SLC35D4: variants seen among roughly 807,000 people sequenced by gnomAD.
SLC35D4 encodes solute carrier family 35 member D4.
chr18:23,272,361 C>T, the SLC35D4 span, among the ~76,000 whole-genome samples: 1 of 152,134 alleles, frequency 6.6e-6, no homozygotes. Flanking sequence ...AGGAGGATCA[C>T]TTGAGCTCAG....
chr18:23,370,225 C>T, the SLC35D4 span: 1 of 1,607,820 alleles, frequency 6.2e-7, no homozygotes, highest in South Asian at 1.1e-5. Context: ...CCTTAATGCA[C>T]TGGGTTTCTG....
chr18:23,432,692 A>AG, the SLC35D4 span, among the ~76,000 whole-genome samples: 1 of 151,418 alleles, frequency 6.6e-6, no homozygotes, highest in African/African-American at 2.4e-5. Context: ...AAAAAAAAAA[A>AG]AAAAAGAAAG....
At chr18:23,304,002 G>A in the SLC35D4 span, among the ~76,000 whole-genome samples, 2 of 151,430 alleles carry the variant, frequency 1.3e-5, no homozygotes, top group African/African-American at 2.4e-5. Context: ...GACTGCTTGA[G>A]GCCAGGAGTT....
chr18:23,282,431 C>T, the SLC35D4 span, among the ~76,000 whole-genome samples: 8 of 152,194 alleles, frequency 5.3e-5, no homozygotes, highest in East Asian at 1.9e-4. Flanking sequence ...AGCAAAGATT[C>T]GCTCGGCTCA....
At chr18:23,339,359 A>G in the SLC35D4 span, among the ~76,000 whole-genome samples, 42 of 152,260 alleles carry the variant, frequency 2.8e-4, 1 homozygote, top group Non-Finnish European at 2.2e-4. Context: ...GTCTTATTAC[A>G]TAATTTTAAA....
the SLC35D4 span, among the ~76,000 whole-genome samples, chr18:23,239,411 G>A: frequency 5.3e-5 from 8 of 152,232 alleles, no homozygotes; most frequent in Non-Finnish European, 1.2e-4. Context: ...TTGATAAAAT[G>A]TGGGAAATCC....
At chr18:23,264,329 G>A in the SLC35D4 span, among the ~76,000 whole-genome samples, 1 of 151,682 alleles carries the variant, frequency 6.6e-6, no homozygotes, top group East Asian at 1.9e-4. Context: ...AGCAAGAGGG[G>A]TGGGAAGGTG....
the SLC35D4 span, among the ~76,000 whole-genome samples, chr18:23,248,538 T>TTTTTTTTTTTA: frequency 4.5e-3 from 418 of 93,556 alleles, 8 homozygotes; most frequent in Middle Eastern, 9.4e-3. Flanking sequence ...TTTTTTTTTT[T>TTTTTTTTTTTA]AAAAAAAGGC....
the SLC35D4 span, among the ~76,000 whole-genome samples, chr18:23,404,783 C>A: frequency 2.0e-5 from 3 of 150,430 alleles, no homozygotes; most frequent in South Asian, 6.3e-4. Flanking sequence ...GTAAAGAGAT[C>A]GAGACCATCC....
At chr18:23,285,476 T>G in the SLC35D4 span, among the ~76,000 whole-genome samples, 33 of 152,100 alleles carry the variant, frequency 2.2e-4, no homozygotes, top group Non-Finnish European at 4.1e-4. Context: ...CACTTTCAAT[T>G]TTTCCATCCT....
chr18:23,396,794 C>G, the SLC35D4 span, among the ~76,000 whole-genome samples: 2 of 151,996 alleles, frequency 1.3e-5, no homozygotes, highest in African/African-American at 2.4e-5. Context: ...AAGTGCTGGT[C>G]CTCGAGAAGA....
At chr18:23,285,793 TC>T in the SLC35D4 span, among the ~76,000 whole-genome samples, 1 of 152,064 alleles carries the variant, frequency 6.6e-6, no homozygotes, top group African/African-American at 2.4e-5. Flanking sequence ...TCACACCGGG[TC>T]CGGCTTACGG....
At chr18:23,314,464 G>T in the SLC35D4 span, among the ~76,000 whole-genome samples, 1 of 152,170 alleles carries the variant, frequency 6.6e-6, no homozygotes, top group Non-Finnish European at 1.5e-5. Context: ...TTACCCTGGG[G>T]GGGGCTACTA....
the SLC35D4 span, among the ~76,000 whole-genome samples, chr18:23,420,538 T>C: frequency 1.3e-5 from 2 of 152,070 alleles, no homozygotes; most frequent in Admixed American, 6.6e-5. Context: ...ACCTGGCTAA[T>C]ATTTTTCTTA....
the SLC35D4 span, among the ~76,000 whole-genome samples, chr18:23,284,322 T>C: frequency 0.018 from 2,748 of 152,320 alleles, 82 homozygotes; most frequent in African/African-American, 0.063. Context: ...CTCTGAAGCC[T>C]GCTACCTATG....
At chr18:23,400,664 T>C in the SLC35D4 span, among the ~76,000 whole-genome samples, 1 of 152,090 alleles carries the variant, frequency 6.6e-6, no homozygotes, top group South Asian at 2.1e-4. Flanking sequence ...ATCTACTAAT[T>C]CAAGTTCCCA....
chr18:23,255,557 A>ATTTT, the SLC35D4 span, among the ~76,000 whole-genome samples: 16 of 132,546 alleles, frequency 1.2e-4, no homozygotes, highest in African/African-American at 4.3e-4. Context: ...TGAACTAATG[A>ATTTT]TTTTTTTTTT....
the SLC35D4 span, among the ~76,000 whole-genome samples, chr18:23,301,928 T>C: frequency 6.6e-6 from 1 of 152,368 alleles, no homozygotes; most frequent in Non-Finnish European, 1.5e-5. Flanking sequence ...AATAGATTGT[T>C]TTCATAATAA....
the SLC35D4 span, among the ~76,000 whole-genome samples, chr18:23,415,324 A>G: frequency 6.6e-6 from 1 of 152,240 alleles, no homozygotes; most frequent in African/African-American, 2.4e-5. Context: ...AAGGTATTGT[A>G]GCATAAAATT....
Sources: gnomAD v4.1 joint callset for allele counts (sites outside exome capture counted in the v4.1 genomes callset) on GRCh38, gnomAD v4.1.1 for gene constraint, MANE v1.5 for transcripts, NCBI Gene and HGNC (gene_info 2026-07-23, HGNC 2026-07-21) for gene names.